Variants in PTCSC3 observed in about 807,000 individuals in gnomAD.
PTCSC3 encodes papillary thyroid carcinoma susceptibility candidate 3.
intron 3 of PTCSC3, among the ~76,000 whole-genome samples, chr14:36,150,458 A>G (rs1306021349): frequency 6.6e-6 from 1 of 152,212 alleles, no homozygotes; most frequent in Non-Finnish European, 1.5e-5. Context: ...CAGACTCCAG[A>G]ACAGTAAGAA....
chr14:36,141,525 G>A (rs1173326884), intron 3 of PTCSC3, among the ~76,000 whole-genome samples: 1 of 151,882 alleles, frequency 6.6e-6, no homozygotes, highest in African/African-American at 2.4e-5. Flanking sequence ...GCTAATTTTT[G>A]TATTTTTAGT....
At chr14:36,156,449 CT>C (rs5807854) in intron 2 of PTCSC3, among the ~76,000 whole-genome samples, 13,280 of 152,014 alleles carry the variant, frequency 0.087, 694 homozygotes, top group Middle Eastern at 0.18. Flanking sequence ...ATTCCTTTTT[CT>C]TTTTCAAATT....
At chr14:36,148,654 G>A (rs190006177) in intron 3 of PTCSC3, among the ~76,000 whole-genome samples, 5 of 152,182 alleles carry the variant, frequency 3.3e-5, no homozygotes, top group Non-Finnish European at 5.9e-5. Context: ...GCTGTAGACC[G>A]GAGCTGTTCC....
chr14:36,137,628 T>C (rs1202765523), intron 3 of PTCSC3, among the ~76,000 whole-genome samples: 1 of 152,106 alleles, frequency 6.6e-6, no homozygotes, highest in Non-Finnish European at 1.5e-5. Context: ...AGATTTGCTA[T>C]TGGATTGGAT....
rs143119470 is a variant in PTCSC3 at position 36,174,678 on chromosome 14, T to G, written n.171+1620A>C. Reference sequence around the variant, plus strand: ...GTATAGATCTGTGGACAGTCCAAGGTGTTTTCAAGATCTTCTAACCTTTCA... The same window carrying G: ...GTATAGATCTGTGGACAGTCCAAGGGGTTTTCAAGATCTTCTAACCTTTCA... On this transcript the variant is annotated intron_variant and non_coding_transcript_variant, in intron 1 of 3. Transcript: ENST00000556013. 1.1e-3 allele frequency among the ~76,000 whole-genome samples: 165 copies of G among 152,272 alleles called. 1 individual carries two copies. The highest frequency in any genetic ancestry group is 3.8e-3 in the African/African-American group (158 of 41,544).
At chr14:36,162,677 A>G (rs1157133862) in exon 2 of PTCSC3, 2 of 152,214 alleles carry the variant, frequency 1.3e-5, no homozygotes, top group Admixed American at 6.5e-5. Context: ...CTATTCGGCC[A>G]TTTTGCCTGC....
At chr14:36,147,244 A>G (rs1404345459) in intron 3 of PTCSC3, among the ~76,000 whole-genome samples, 1 of 152,194 alleles carries the variant, frequency 6.6e-6, no homozygotes, top group Non-Finnish European at 1.5e-5. Flanking sequence ...CCTGGATAAT[A>G]TCCTGCAGCA....
intron 3 of PTCSC3, among the ~76,000 whole-genome samples, chr14:36,142,890 G>T (rs957304233): frequency 6.8e-6 from 1 of 146,216 alleles, no homozygotes; most frequent in Non-Finnish European, 1.5e-5. Context: ...TCCCACCTAT[G>T]AGTGAGAATA....
chr14:36,139,904 T>C (rs774088528), intron 3 of PTCSC3, among the ~76,000 whole-genome samples: 2 of 152,218 alleles, frequency 1.3e-5, no homozygotes, highest in Non-Finnish European at 2.9e-5. Context: ...TTTTGACAAA[T>C]GCATAATATC....
Position 36,145,063 on chromosome 14 carries a change from C to T in PTCSC3, n.323-8707G>A, listed in dbSNP as rs8017337. Among the ~76,000 whole-genome samples, 18 of 77,954 alleles carry T rather than the reference C, an allele frequency of 2.3e-4. 2 individuals carry two copies. Among genetic ancestry groups the T allele is most frequent in the African/African-American group, 7.5e-4 (17 of 22,790 alleles). 51.1% of individuals were successfully genotyped at this position (77,954 alleles called of 152,430 possible). ...GATGTGCTGCTGGATTCGTTTTGCC[C>T]GTATTTTATTGAGGATTTTTGCATC... On this transcript the variant is annotated intron_variant and non_coding_transcript_variant, in intron 3 of 3. Coordinates refer to ENST00000556013, the Ensembl canonical transcript of PTCSC3.
downstream of PTCSC3, among the ~76,000 whole-genome samples, chr14:36,135,865 ATATATATATATGTGTGTGTGTGTG>A (rs1421205877): frequency 1.5e-4 from 5 of 32,742 alleles, no homozygotes; most frequent in East Asian, 8.2e-4. Context: ...AGGGACAGAT[ATATATATATATGTGTGTGTGTGTG>A]TATATATATA....
At chr14:36,164,281 A>G (rs1174161761) in intron 1 of PTCSC3, 2 of 152,234 alleles carry the variant, frequency 1.3e-5, no homozygotes, top group East Asian at 1.9e-4. Flanking sequence ...GATAAATCAT[A>G]TTTCACTAAA....
At chr14:36,143,583 G>A (rs1206366694) in intron 3 of PTCSC3, among the ~76,000 whole-genome samples, 16 of 148,272 alleles carry the variant, frequency 1.1e-4, no homozygotes, top group African/African-American at 3.2e-4. Context: ...AGTAGGTTGC[G>A]AAAATTTTCT....
chr14:36,146,847 G>C (rs904007466), intron 3 of PTCSC3, among the ~76,000 whole-genome samples: 30 of 152,180 alleles, frequency 2.0e-4, no homozygotes, highest in Admixed American at 3.9e-4. Flanking sequence ...AGCTCTTTTA[G>C]GGCAGGCCTG....
At chr14:36,148,586 C>G (rs564010406) in intron 3 of PTCSC3, among the ~76,000 whole-genome samples, 3 of 152,304 alleles carry the variant, frequency 2.0e-5, no homozygotes, top group Non-Finnish European at 4.4e-5. Context: ...TGAGATGAAC[C>G]TGGTACCTCA....
intron 2 of PTCSC3, among the ~76,000 whole-genome samples, chr14:36,155,804 T>A (rs1257463628): frequency 1.3e-5 from 2 of 152,162 alleles, no homozygotes; most frequent in East Asian, 3.9e-4. Context: ...TGAAAGGGAT[T>A]TATATATATA....
At chr14:36,160,902 C>T (rs749676482) in intron 2 of PTCSC3, among the ~76,000 whole-genome samples, 6 of 152,066 alleles carry the variant, frequency 3.9e-5, no homozygotes, top group Non-Finnish European at 7.4e-5. Flanking sequence ...TCCCATATTT[C>T]TTGGAGGCTT....
At chr14:36,168,010 T>G (rs940897826) in intron 1 of PTCSC3, among the ~76,000 whole-genome samples, 1 of 152,104 alleles carries the variant, frequency 6.6e-6, no homozygotes, top group African/African-American at 2.4e-5. Flanking sequence ...GCTGTTGGCC[T>G]GCACGTTCCC....
chr14:36,150,726 A>G (rs1250955072), intron 3 of PTCSC3, among the ~76,000 whole-genome samples: 1 of 152,152 alleles, frequency 6.6e-6, no homozygotes, highest in Non-Finnish European at 1.5e-5. Context: ...AGTTTTCAAT[A>G]TATATTTACA....
Sources: allele counts gnomAD v4.1 joint callset (sites outside exome capture counted in the v4.1 genomes callset), GRCh38; gene constraint gnomAD v4.1.1; transcripts MANE v1.5; gene names NCBI Gene and HGNC (gene_info 2026-07-23, HGNC 2026-07-21).